The following CFAP161 variants were observed in gnomAD, a reference collection of about 807,000 sequenced individuals.
CFAP161 encodes cilia and flagella associated protein 161.
In CFAP161, 25 loss-of-function variants were observed where a neutral mutation model predicts 29.0. The ratio of observed to expected loss-of-function variants is 0.86; its 90% CI spans 0.63 to 1.20. The LOEUF (loss-of-function observed/expected upper bound fraction) is 1.20, where lower values mean the gene tolerates loss of function less well. Among genes scored for constraint, CFAP161 ranks in the 50% most tolerant of loss-of-function variants. The probability of loss-of-function intolerance (pLI) is 0.00; values close to 1 mark genes in which losing one functional copy is unlikely to be tolerated. For synonymous variants in CFAP161, 116 were observed against 137.4 expected, an observed-to-expected ratio of 0.84 and a Z score of 1.09; for missense variants, 367 against 371.9, an observed-to-expected ratio of 0.99 and a Z score of 0.11.
chr15:81,140,836 C>T (rs1330816071), intron 4 of CFAP161, among the ~76,000 whole-genome samples: 2 of 152,254 alleles, frequency 1.3e-5, no homozygotes, highest in Non-Finnish European at 2.9e-5. Flanking sequence ...ATCCTCCTGC[C>T]TCCACCTCCC....
chr15:81,106,721 G>A (rs1407993331), intron 1 of CFAP161, among the ~76,000 whole-genome samples: 1 of 152,202 alleles, frequency 6.6e-6, no homozygotes, highest in Non-Finnish European at 1.5e-5. Flanking sequence ...GGTCAGGGAA[G>A]CCCTTGTCCT....
intron 1 of CFAP161, among the ~76,000 whole-genome samples, chr15:81,107,949 G>T (rs1165834025): frequency 6.7e-6 from 1 of 150,132 alleles, no homozygotes; most frequent in Non-Finnish European, 1.5e-5. Flanking sequence ...GTGGGTTTTA[G>T]TTCTGACTCC....
At chr15:81,103,607 C>T (rs1894328384) in intron 1 of CFAP161, among the ~76,000 whole-genome samples, 1 of 152,228 alleles carries the variant, frequency 6.6e-6, no homozygotes, top group African/African-American at 2.4e-5. Flanking sequence ...TCCCGTCCCC[C>T]ATAGCTCGCC....
intron 1 of CFAP161, among the ~76,000 whole-genome samples, chr15:81,105,167 T>TCCCTCCCTCCCTCCCTC (rs1417093966): frequency 3.1e-5 from 1 of 32,230 alleles, no homozygotes; most frequent in Non-Finnish European, 5.7e-5. Flanking sequence ...CTCCCTTCCT[T>TCCCTCCCTCCCTCCCTC]CCTCCCTCCC....
At chr15:81,138,682 G>A (rs956726117) in intron 4 of CFAP161, among the ~76,000 whole-genome samples, 2 of 152,144 alleles carry the variant, frequency 1.3e-5, no homozygotes. Context: ...ATTTGGGTAA[G>A]TTATTTAATG....
intron 4 of CFAP161, among the ~76,000 whole-genome samples, chr15:81,142,128 T>C (rs1442844605): frequency 6.6e-6 from 1 of 152,036 alleles, no homozygotes; most frequent in Non-Finnish European, 1.5e-5. Flanking sequence ...TCCTAGGCTC[T>C]TTTCTCCCTT....
At chr15:81,100,468 T>G (rs1894290374) in intron 1 of CFAP161, among the ~76,000 whole-genome samples, 1 of 152,088 alleles carries the variant, frequency 6.6e-6, no homozygotes, top group Non-Finnish European at 1.5e-5. Context: ...TCTTGGGGTT[T>G]GAAATCTTGC....
upstream of CFAP161, among the ~76,000 whole-genome samples, chr15:81,131,739 C>G (rs968521506): frequency 2.0e-5 from 3 of 152,052 alleles, no homozygotes; most frequent in African/African-American, 4.8e-5. Context: ...TTCATAAAGA[C>G]AGAAGACAGA....
rs748255587 is a variant in CFAP161, at chr15:81,143,819, C to T, written c.635C>T (p.Pro212Leu). 9 of 1,613,574 alleles carry T rather than the reference C, an allele frequency of 5.6e-6. No homozygotes were observed. The highest frequency in any genetic ancestry group is 2.2e-5 in the East Asian group (1 of 44,890). The part of the protein sequence containing the change: ...LRLEYEGFPV[P>L]ANAKILINHC... The stretch of plus-strand genomic sequence containing the variant: ...CTGGAATATGAAGGCTTCCCCGTCC[C>T]GGTGAGTGCAGCATCGGGAAGACAT... The change falls in exon 5 of 7, where the codon CCG (proline) becomes CTG (leucine). Residue 212 changes from proline to leucine, a missense_variant and splice_region_variant. Pro to Leu is a moderately conservative substitution (Grantham distance 98). Transcript: ENST00000286732.
chr15:81,121,929 A>G (rs1894578878), intron 1 of CFAP161, among the ~76,000 whole-genome samples: 2 of 152,126 alleles, frequency 1.3e-5, no homozygotes, highest in South Asian at 4.2e-4. Context: ...ATGTGTTCTC[A>G]TCATTTAGCT....
At chr15:81,129,544 C>T (rs1380848209), upstream of CFAP161, among the ~76,000 whole-genome samples, 1 of 152,118 alleles carries the variant, frequency 6.6e-6, no homozygotes, top group African/African-American at 2.4e-5. Flanking sequence ...GGAAAACCAC[C>T]CCCATGATTC....
intron 1 of CFAP161, among the ~76,000 whole-genome samples, chr15:81,115,852 T>A (rs1295112203): frequency 6.0e-5 from 9 of 150,014 alleles, no homozygotes; most frequent in South Asian, 4.2e-4. Flanking sequence ...CTAATTAATT[T>A]TTTTTTTTTT....
intron 1 of CFAP161, among the ~76,000 whole-genome samples, chr15:81,117,052 A>G (rs1368947290): frequency 1.3e-5 from 2 of 152,106 alleles, no homozygotes; most frequent in African/African-American, 2.4e-5. Context: ...TTTTACATAC[A>G]GTTTTAAGGT....
chr15:81,121,785 G>T (rs1894577066), intron 1 of CFAP161, among the ~76,000 whole-genome samples: 1 of 152,130 alleles, frequency 6.6e-6, no homozygotes, highest in Non-Finnish European at 1.5e-5. Flanking sequence ...TGTCATGGGG[G>T]TTTGTTGCAC....
chr15:81,146,846 ATATATATATATATATATAT>A lies in CFAP161; in HGVS notation c.637-1011_637-993del, dbSNP rs1262561172. On this transcript the variant is annotated intron_variant, in intron 5 of 6. Transcript: ENST00000286732. ...GATAGCTACAAATATATATATATATATATATATATATATATATATATATATATATATATATATTTAAAAA... is the reference window on the plus strand; with the variant it reads ...GATAGCTACAAATATATATATATATAATATATATATATATATATTTAAAAA... Among the ~76,000 whole-genome samples, 15 of 32,366 alleles carry A rather than the reference ATATATATATATATATATAT, an allele frequency of 4.6e-4. 1 individual carries two copies. In the African/African-American group the frequency reaches 6.8e-3, roughly 15 times the overall value. 21.2% of individuals were successfully genotyped at this position (32,366 alleles called of 152,430 possible).
At position 81,148,558 on chromosome 15, in the gene CFAP161, C is replaced by T; in HGVS notation, c.*25C>T. 1 of 1,600,112 alleles carries T rather than the reference C, an allele frequency of 6.2e-7. No homozygotes were observed. Among genetic ancestry groups the T allele is most frequent in the East Asian group, 2.2e-5 (1 of 44,534 alleles). The stretch of plus-strand genomic sequence containing the variant: ...ACACGCCAGGCACGTGCATGTTTTC[C>T]CTGGTCCCGCTCTCATCAAATGTAG... On this transcript the variant is annotated 3_prime_UTR_variant, in exon 7 of 7. Coordinates refer to ENST00000286732, the MANE Select transcript of CFAP161 (RefSeq NM_173528.4).
intron 1 of CFAP161, among the ~76,000 whole-genome samples, chr15:81,126,065 T>C (rs1303804691): frequency 6.6e-6 from 1 of 152,184 alleles, no homozygotes; most frequent in Admixed American, 6.5e-5. Flanking sequence ...AGCTGGGGTT[T>C]CACCATGTTG....
At chr15:81,131,092 C>T (rs548987187), upstream of CFAP161, among the ~76,000 whole-genome samples, 39 of 148,990 alleles carry the variant, frequency 2.6e-4, no homozygotes, top group African/African-American at 9.5e-4. Context: ...AAAATGGCTC[C>T]AACACACTTG....
chr15:81,117,543 CTTTT>C (rs35047343), intron 1 of CFAP161: 3 of 135,470 alleles, frequency 2.2e-5, no homozygotes, highest in South Asian at 2.4e-4. Flanking sequence ...ATCACAGCTA[CTTTT>C]TTTTTTTTTT....
Sources: allele counts gnomAD v4.1 joint callset (sites outside exome capture counted in the v4.1 genomes callset), GRCh38; gene constraint gnomAD v4.1.1; transcripts MANE v1.5; gene names NCBI Gene and HGNC (gene_info 2026-07-23, HGNC 2026-07-21).